Variants in TNRC6B observed in about 807,000 individuals in gnomAD.
TNRC6B encodes the protein trinucleotide repeat-containing gene 6B protein.
TNRC6B carries 52 observed loss-of-function variants against 203.6 expected under a neutral mutation model. That is an observed-to-expected ratio of 0.26 (90% CI 0.20 to 0.32). TNRC6B has a LOEUF of 0.32. Ranked by LOEUF, TNRC6B falls within the 10% of genes least tolerant of loss-of-function variation. The pLI, the probability that TNRC6B is intolerant of heterozygous loss-of-function variation, is 1.00. For synonymous variants in TNRC6B, 838 were observed against 845.7 expected (o/e 0.99, Z 0.16); for missense variants, 1,923 against 2,286.2 (o/e 0.84, Z 3.24).
In TNRC6B at chr22:40,266,367, C is replaced by T. The variant is rs1191287768; in HGVS notation, c.2137C>T (p.Arg713Ter). 2 of 1,612,284 alleles carry T rather than the reference C, an allele frequency of 1.2e-6. No homozygotes were observed. Among genetic ancestry groups the T allele is most frequent in the Non-Finnish European group, 8.5e-7 (1 of 1,179,220 alleles). ...NNNSSNWGGG[R>*]PDEKTPSSWN... Reference sequence around the variant, plus strand: ...CAACTCTTCCAACTGGGGAGGAGGACGACCTGATGAAAAGACACCTTCCTC... The same window carrying T: ...CAACTCTTCCAACTGGGGAGGAGGATGACCTGATGAAAAGACACCTTCCTC... Residue 713 changes from arginine (R) to a stop codon, truncating the protein, a stop_gained, in exon 5 of 23, where the codon CGA (arginine) becomes TGA (stop). Transcript: ENST00000454349. LOFTEE classifies it high-confidence loss of function.
At chr22:40,157,057 G>A (rs901232360) in intron 4 of TNRC6B, among the ~76,000 whole-genome samples, 4 of 152,042 alleles carry the variant, frequency 2.6e-5, no homozygotes, top group Admixed American at 1.3e-4. Flanking sequence ...TTGCAGGTGT[G>A]AGGCATCGTG....
intron 1 of TNRC6B, among the ~76,000 whole-genome samples, chr22:40,100,171 C>T (rs1351316540): frequency 6.6e-6 from 1 of 151,772 alleles, no homozygotes; most frequent in Non-Finnish European, 1.5e-5. Context: ...ACTGCAATCT[C>T]CACCTTCCAG....
chr22:40,058,000 T>G (rs2067815396), intron 1 of TNRC6B, among the ~76,000 whole-genome samples: 1 of 152,230 alleles, frequency 6.6e-6, no homozygotes, highest in African/African-American at 2.4e-5. Flanking sequence ...TCAACCTTCT[T>G]TTTACTATAC....
intron 3 of TNRC6B, among the ~76,000 whole-genome samples, chr22:40,142,765 A>G (rs1300532499): frequency 6.6e-6 from 1 of 152,198 alleles, no homozygotes; most frequent in Non-Finnish European, 1.5e-5. Context: ...CTATAGTTGT[A>G]TAATTGATTC....
chr22:40,060,624 A>G (rs919764417), intron 1 of TNRC6B, among the ~76,000 whole-genome samples: 3 of 152,214 alleles, frequency 2.0e-5, no homozygotes, highest in Non-Finnish European at 4.4e-5. Context: ...GGCCCAGCAT[A>G]TAGTCATACT....
At chr22:40,307,214 A>G (rs2071098122) in intron 15 of TNRC6B, among the ~76,000 whole-genome samples, 3 of 152,188 alleles carry the variant, frequency 2.0e-5, no homozygotes, top group Admixed American at 2.0e-4. Flanking sequence ...AACTAGGATA[A>G]GCACAGGGGA....
At chr22:40,143,998 A>G (rs2068668894) in intron 3 of TNRC6B, among the ~76,000 whole-genome samples, 1 of 152,240 alleles carries the variant, frequency 6.6e-6, no homozygotes, top group Admixed American at 6.5e-5. Context: ...AGCAAAATAC[A>G]AATTAAAACT....
At chr22:40,169,203 G>A (rs1203109601) in intron 4 of TNRC6B, among the ~76,000 whole-genome samples, 1 of 149,166 alleles carries the variant, frequency 6.7e-6, no homozygotes, top group Non-Finnish European at 1.5e-5. Flanking sequence ...ATGATCTCGG[G>A]TTACTGCAAT....
At chr22:40,089,226 C>G (rs139326047) in intron 1 of TNRC6B, among the ~76,000 whole-genome samples, 2 of 152,116 alleles carry the variant, frequency 1.3e-5, no homozygotes, top group Non-Finnish European at 2.9e-5. Context: ...TTGATTTCTT[C>G]ATAGACTTTT....
At chr22:40,104,640 A>G (rs1426786356) in intron 1 of TNRC6B, among the ~76,000 whole-genome samples, 1 of 152,204 alleles carries the variant, frequency 6.6e-6, no homozygotes, top group African/African-American at 2.4e-5. Context: ...AGAAAAAACT[A>G]TAATTCTGGG....
intron 21 of TNRC6B, among the ~76,000 whole-genome samples, chr22:40,316,762 A>G (rs1248425820): frequency 1.3e-5 from 2 of 152,124 alleles, no homozygotes; most frequent in African/African-American, 4.8e-5. Flanking sequence ...ACTTCTGGAG[A>G]AGGGTTGATG....
intron 4 of TNRC6B, among the ~76,000 whole-genome samples, chr22:40,157,476 A>G (rs1301850454): frequency 6.6e-6 from 1 of 152,170 alleles, no homozygotes; most frequent in Admixed American, 6.5e-5. Flanking sequence ...TTAAAGGAAA[A>G]TGGCTCGTCT....
intron 16 of TNRC6B, among the ~76,000 whole-genome samples, chr22:40,309,169 G>A (rs529887812): frequency 6.6e-5 from 10 of 152,240 alleles, no homozygotes; most frequent in East Asian, 1.9e-4. Flanking sequence ...GGCTTTGGTC[G>A]TGATGTTGGT....
At chr22:40,049,254 C>G (rs902305993) in intron 1 of TNRC6B, among the ~76,000 whole-genome samples, 2 of 151,866 alleles carry the variant, frequency 1.3e-5, no homozygotes, top group African/African-American at 4.8e-5. Flanking sequence ...CCATGTTGGC[C>G]AGGCTGGTCT....
At chr22:40,228,695 A>AT (rs977130124) in intron 1 of TNRC6B, among the ~76,000 whole-genome samples, 42 of 144,550 alleles carry the variant, frequency 2.9e-4, no homozygotes, top group African/African-American at 5.6e-4. Flanking sequence ...AATTTTTTGT[A>AT]TTTTTTTTTT....
chr22:40,185,470 G>A (rs905095192), intron 1 of TNRC6B, among the ~76,000 whole-genome samples: 1 of 152,210 alleles, frequency 6.6e-6, no homozygotes, highest in Non-Finnish European at 1.5e-5. Flanking sequence ...TGAGGGAGGA[G>A]AGACACTGAT....
chr22:40,221,098 C>A (rs548407778), intron 1 of TNRC6B, among the ~76,000 whole-genome samples: 19 of 152,266 alleles, frequency 1.2e-4, no homozygotes, highest in African/African-American at 4.1e-4. Flanking sequence ...CCAACTCTGT[C>A]GATACCTGTA....
At chr22:40,302,270 CAT>C (rs753902621) in intron 15 of TNRC6B, among the ~76,000 whole-genome samples, 36 of 152,290 alleles carry the variant, frequency 2.4e-4, no homozygotes, top group Middle Eastern at 3.4e-3. Context: ...CACACACCAT[CAT>C]AGTTTCATCT....
In TNRC6B at chr22:40,075,306, C is replaced by T. The variant is rs555783809; in HGVS notation, c.-121+30308C>T. ...TCATTTTTGCTTCATGCATCTTGAG[C>T]CTCTGTAACTATGTGTATATACACA... is the stretch of plus-strand genomic sequence containing the variant. On this transcript the variant is annotated intron_variant, in intron 1 of 23. Coordinates refer to the TNRC6B transcript ENST00000301923. Among the ~76,000 whole-genome samples the T allele has an allele frequency of 2.0e-5, 3 of 150,884 alleles. No homozygotes were observed. In the South Asian group the frequency reaches 6.3e-4, roughly 32 times the overall value.
Sources: gnomAD v4.1 joint callset for allele counts (sites outside exome capture counted in the v4.1 genomes callset) on GRCh38, gnomAD v4.1.1 for gene constraint, MANE v1.5 for transcripts, NCBI Gene and HGNC (gene_info 2026-07-23, HGNC 2026-07-21) for gene names.